APP: variants seen among roughly 807,000 people sequenced by gnomAD.
APP encodes amyloid beta precursor protein.
In APP, 31 loss-of-function variants were observed where a neutral mutation model predicts 101.4. The observed-to-expected ratio is 0.31, with a 90% confidence interval of 0.23 to 0.41. The LOEUF is 0.41. APP is among the 10% of genes least tolerant of loss of function. APP has a pLI of 1.00. For missense variants in APP, 839 were observed against 1,003.7 expected (o/e 0.84, Z 2.22); for synonymous variants, 366 against 364.4 (o/e 1.00, Z -0.05).
chr21:26,146,150 C>G (rs2063149977), intron 1 of APP, among the ~76,000 whole-genome samples: 1 of 152,210 alleles, frequency 6.6e-6, no homozygotes, highest in Non-Finnish European at 1.5e-5. Flanking sequence ...GCCTGGCCAA[C>G]ATGGTGAAAC....
intron 16 of APP, among the ~76,000 whole-genome samples, chr21:25,893,726 AAC>A (rs1466758605): frequency 6.6e-6 from 1 of 152,256 alleles, no homozygotes; most frequent in African/African-American, 2.4e-5. Context: ...CCATCTCCAT[AAC>A]ACAGAAGTGC....
At chr21:25,914,805 G>A (rs1015517391) in intron 13 of APP, among the ~76,000 whole-genome samples, 4 of 152,056 alleles carry the variant, frequency 2.6e-5, no homozygotes, top group Admixed American at 6.6e-5. Flanking sequence ...CGCCCGCCTC[G>A]GCTTCCCAAA....
chr21:26,134,633 C>A (rs1057510334), intron 1 of APP, among the ~76,000 whole-genome samples: 4 of 152,150 alleles, frequency 2.6e-5, no homozygotes, highest in Non-Finnish European at 4.4e-5. Context: ...GAACGCGGTC[C>A]TTCAGGGTTG....
intron 1 of APP, among the ~76,000 whole-genome samples, chr21:26,165,599 T>C (rs944998460): frequency 3.5e-4 from 54 of 152,204 alleles, no homozygotes; most frequent in African/African-American, 1.0e-3. Flanking sequence ...AATTCAACAT[T>C]ATAAATTGAG....
intron 8 of APP, among the ~76,000 whole-genome samples, chr21:25,984,383 A>G (rs922432105): frequency 2.0e-5 from 3 of 152,224 alleles, no homozygotes; most frequent in African/African-American, 7.2e-5. Context: ...GAAAAGCAGT[A>G]TGTATTTTTC....
At chr21:26,096,780 AAAC>A (rs1272843697) in intron 2 of APP, among the ~76,000 whole-genome samples, 2 of 152,192 alleles carry the variant, frequency 1.3e-5, no homozygotes, top group African/African-American at 4.8e-5. Flanking sequence ...CGCCTCAAAA[AAAC>A]AAAAAACAAA....
intron 3 of APP, among the ~76,000 whole-genome samples, chr21:26,070,355 G>A (rs956775372): frequency 1.3e-5 from 2 of 152,174 alleles, no homozygotes; most frequent in Non-Finnish European, 2.9e-5. Context: ...TCCACAGAGA[G>A]CTGAAATAAT....
chr21:26,149,130 A>T (rs967575633), intron 1 of APP, among the ~76,000 whole-genome samples: 3 of 152,246 alleles, frequency 2.0e-5, no homozygotes, highest in African/African-American at 7.2e-5. Context: ...TTACTTTAGT[A>T]TCTTACCAAT....
At chr21:25,962,591 G>C (rs1423040519) in intron 11 of APP, among the ~76,000 whole-genome samples, 1 of 152,102 alleles carries the variant, frequency 6.6e-6, no homozygotes, top group Non-Finnish European at 1.5e-5. Context: ...AAACCTACTT[G>C]ATGTATCTAT....
chr21:25,936,721 T>C (rs1487414497), intron 13 of APP, among the ~76,000 whole-genome samples: 1 of 152,166 alleles, frequency 6.6e-6, no homozygotes, highest in African/African-American at 2.4e-5. Flanking sequence ...AAAAATAATT[T>C]CTGTTGTTGA....
At position 25,917,680 on chromosome 21, in the gene APP, G is replaced by T. The variant is rs184447515; in HGVS notation, c.1688-5718C>A. Among the ~76,000 whole-genome samples the T allele has an allele frequency of 3.9e-5, 6 of 152,284 alleles. No homozygotes were observed. The East Asian group carries it at 1.2e-3, about 29-fold the overall frequency. ...TCCATCCACTGAACACAAGTGGGTT[G>T]GAGAAGAACATTTTCTTCATATAAA... On this transcript the variant is annotated intron_variant, in intron 13 of 17. Transcript: ENST00000346798.
intron 13 of APP, among the ~76,000 whole-genome samples, chr21:25,927,046 T>C (rs557709277): frequency 6.7e-6 from 1 of 148,178 alleles, no homozygotes; most frequent in Non-Finnish European, 1.5e-5. Context: ...TAAACCCATC[T>C]ATCATCACAA....
intron 6 of APP, among the ~76,000 whole-genome samples, chr21:26,021,422 ACT>A (rs1359852695): frequency 1.3e-5 from 2 of 152,030 alleles, no homozygotes; most frequent in African/African-American, 4.8e-5. Flanking sequence ...CAAGCCAGGC[ACT>A]CTGTGCAATA....
At chr21:26,018,525 G>A (rs907670278) in intron 6 of APP, among the ~76,000 whole-genome samples, 2 of 152,164 alleles carry the variant, frequency 1.3e-5, no homozygotes, top group African/African-American at 2.4e-5. Context: ...CCCCTTTAAC[G>A]TTACCCTCTA....
intron 13 of APP, among the ~76,000 whole-genome samples, chr21:25,936,293 C>T (rs571960268): frequency 2.8e-4 from 42 of 152,276 alleles, no homozygotes; most frequent in Middle Eastern, 3.4e-3. Context: ...GGGGCTCACG[C>T]CTGTAATCCC....
intron 13 of APP, among the ~76,000 whole-genome samples, chr21:25,918,593 CCTTT>C (rs1408125664): frequency 6.6e-6 from 1 of 151,986 alleles, no homozygotes; most frequent in Non-Finnish European, 1.5e-5. Context: ...CAGGGAGTTC[CCTTT>C]CTGAGTCAAA....
chr21:26,012,771 CGA>C (rs1203341502), intron 6 of APP, among the ~76,000 whole-genome samples: 1 of 152,028 alleles, frequency 6.6e-6, no homozygotes. Flanking sequence ...GTCAGAAGTT[CGA>C]GACCAGTCTG....
At chr21:25,931,415 G>A (rs1245019949) in intron 13 of APP, among the ~76,000 whole-genome samples, 1 of 152,196 alleles carries the variant, frequency 6.6e-6, no homozygotes, top group Non-Finnish European at 1.5e-5. Context: ...ACAGAGGGCA[G>A]AGGAATACAC....
intron 5 of APP, among the ~76,000 whole-genome samples, chr21:26,045,279 A>T (rs1337071505): frequency 2.1e-5 from 3 of 143,606 alleles, no homozygotes; most frequent in Non-Finnish European, 4.7e-5. Context: ...TTGCAAGTAT[A>T]AAAAAAAAAG....
Sources: gnomAD v4.1 joint callset for allele counts (sites outside exome capture counted in the v4.1 genomes callset) on GRCh38, gnomAD v4.1.1 for gene constraint, MANE v1.5 for transcripts, NCBI Gene and HGNC (gene_info 2026-07-23, HGNC 2026-07-21) for gene names.